The following FRMPD3 variants were observed in gnomAD, a reference collection of about 807,000 sequenced individuals.
FRMPD3 encodes the protein FERM and PDZ domain-containing protein 3.
In FRMPD3, 42 loss-of-function variants were observed where a neutral mutation model predicts 97.9. That is an observed-to-expected ratio of 0.43 (90% CI 0.34 to 0.55). The LOEUF (loss-of-function observed/expected upper bound fraction) is 0.55. Ranked by LOEUF, FRMPD3 falls within the 20% of genes least tolerant of loss-of-function variation. The pLI is 0.03. For synonymous variants in FRMPD3, 577 were observed against 581.1 expected (o/e 0.99, Z 0.10); for missense variants, 1,303 against 1,457.7 (o/e 0.89, Z 1.73).
chrX:107,519,333 A>C (rs2147542010), intron 1 of FRMPD3, among the ~76,000 whole-genome samples: 1 of 110,689 alleles, frequency 9.0e-6, no homozygotes, highest in African/African-American at 3.3e-5. Context: ...CCATTTCTAC[A>C]AAAAAATATA....
chrX:107,520,420 A>G (rs1471088336), intron 1 of FRMPD3, among the ~76,000 whole-genome samples: 1 of 109,444 alleles, frequency 9.1e-6, no homozygotes, highest in Non-Finnish European at 1.9e-5. Context: ...CTGGCAGATC[A>G]CTTGAGCCCC....
At chrX:107,461,283 C>G (rs181439377) in intron 1 of FRMPD3, among the ~76,000 whole-genome samples, 1 of 111,393 alleles carries the variant, frequency 9.0e-6, no homozygotes, top group Non-Finnish European at 1.9e-5. Context: ...TCAGGATCTC[C>G]TCTCCAACCT....
intron 1 of FRMPD3, among the ~76,000 whole-genome samples, chrX:107,461,787 A>ATATACT (rs1931478584): frequency 1.9e-5 from 2 of 107,743 alleles, no homozygotes; most frequent in South Asian, 8.3e-4. Flanking sequence ...ATACATATAC[A>ATATACT]TATACATATA....
At chrX:107,464,473 T>C (rs1468564650) in intron 1 of FRMPD3, among the ~76,000 whole-genome samples, 2 of 111,214 alleles carry the variant, frequency 1.8e-5, no homozygotes, top group African/African-American at 6.6e-5. Context: ...TTATGTAGAA[T>C]GTTGGCTTGT....
At position 107,601,076 on chromosome X, in the gene FRMPD3, C is replaced by A. The variant is rs751808058; in HGVS notation, c.3037C>A (p.Pro1013Thr). 8.3e-7 allele frequency: 1 copy of A among 1,207,818 alleles called. No individual in the cohort carries two copies. The highest frequency in any genetic ancestry group is 1.7e-5 in the African/African-American group (1 of 57,593). ...ASKNLKFKISPSAPETSWNSQ... is the reference protein window; with the variant it reads ...ASKNLKFKISTSAPETSWNSQ... ...TAAGAATCTGAAGTTCAAAATTAGC[C>A]CCAGTGCTCCAGAGACCTCATGGAA... The change falls in exon 15 of 15, where the codon CCC becomes ACC. Residue 1013 changes from proline (P) to threonine (T), a missense_variant. Transcript: ENST00000683843.
At chrX:107,598,659 G>A (rs1186374968) in intron 14 of FRMPD3, among the ~76,000 whole-genome samples, 2 of 112,066 alleles carry the variant, frequency 1.8e-5, no homozygotes, top group Non-Finnish European at 1.9e-5. Context: ...CATTGTCAGT[G>A]TAACCTTTGG....
intron 1 of FRMPD3, among the ~76,000 whole-genome samples, chrX:107,482,251 A>ACT (rs1367460127): frequency 1.8e-5 from 2 of 110,126 alleles, no homozygotes; most frequent in African/African-American, 6.6e-5. Context: ...GTAGGTCCTC[A>ACT]CTCTCTCTCC....
rs1170253573 is a variant in FRMPD3, at chrX:107,526,657, C to T, written c.69C>T (p.Thr23=). ...QLPAEILRQV[T]VHRDPIYGFG... ...CAGCAGAGATACTGCGACAAGTGAC[C>T]GTTCACCGAGACCCTATATATGGCT... The change falls in exon 2 of 15, where the codon ACC becomes ACT. Residue 23 remains threonine, a synonymous_variant. Coordinates refer to ENST00000683843, the MANE Select transcript of FRMPD3 (RefSeq NM_001388459.1). 1.2e-5 allele frequency: 14 copies of T among 1,205,553 alleles called. No homozygotes were observed. Among genetic ancestry groups the T allele is most frequent in the East Asian group, 8.9e-5 (3 of 33,720 alleles).
intron 1 of FRMPD3, among the ~76,000 whole-genome samples, chrX:107,500,193 G>A (rs958112987): frequency 9.0e-6 from 1 of 111,420 alleles, no homozygotes; most frequent in African/African-American, 3.3e-5. Context: ...AGAGTGGCGA[G>A]GACTGGGGTG....
chrX:107,588,859 T>C (rs979712444), intron 13 of FRMPD3, among the ~76,000 whole-genome samples: 4 of 111,339 alleles, frequency 3.6e-5, no homozygotes, highest in African/African-American at 9.8e-5. Flanking sequence ...TTCTTCCACT[T>C]GGTTGATTCA....
chrX:107,559,207 A>T (rs1339466018), intron 8 of FRMPD3, among the ~76,000 whole-genome samples: 1 of 110,640 alleles, frequency 9.0e-6, no homozygotes, highest in South Asian at 3.9e-4. Context: ...ATCTCAGGTA[A>T]TCCACCAGTC....
chrX:107,530,623 G>A (rs949775881), intron 3 of FRMPD3, 112 bp downstream of exon 3: 3 of 564,707 alleles, frequency 5.3e-6, no homozygotes, highest in African/African-American at 2.3e-5. Context: ...CTTCCAGGCA[G>A]AGAAGCCCTA....
At chrX:107,592,843 G>A (rs1165247374) in intron 13 of FRMPD3, among the ~76,000 whole-genome samples, 2 of 93,890 alleles carry the variant, frequency 2.1e-5, no homozygotes, top group African/African-American at 4.1e-5. Flanking sequence ...CACCCAGGAT[G>A]GAGTGCAGTG....
At position 107,565,037 on chromosome X, in the gene FRMPD3, C is replaced by T. The variant is rs773943623; in HGVS notation, c.1267C>T (p.Arg423Trp). Residue 423 changes from arginine to tryptophan, a missense_variant, in exon 12 of 15, where the codon CGG becomes TGG. By Grantham distance (101) the Arg-to-Trp change is moderately radical (BLOSUM62 -3). Around this residue, in one of 3 missense-constraint regions of FRMPD3, gnomAD observed 535 missense variants for 618.6 expected, o/e 0.86. Coordinates refer to ENST00000683843, the MANE Select transcript of FRMPD3 (RefSeq NM_001388459.1). ...QLFRENQGVA[R>W]VETSIMDAKP... is the part of the protein sequence containing the mutation. ...GTTCCGGGAGAACCAGGGCGTGGCC[C>T]GGGTGGAGACCAGCATCATGGATGC... 12 of 1,193,641 alleles carry T rather than the reference C, an allele frequency of 1.0e-5. 1 individual carries two copies. Among genetic ancestry groups the T allele is most frequent in the South Asian group, 5.6e-5 (3 of 53,461 alleles).
chrX:107,475,361 G>T (rs1054102373), intron 1 of FRMPD3, among the ~76,000 whole-genome samples: 7 of 111,560 alleles, frequency 6.3e-5, no homozygotes, highest in African/African-American at 2.0e-4. Context: ...TTTTTCCTCT[G>T]CCCCAACCTT....
intron 13 of FRMPD3, among the ~76,000 whole-genome samples, chrX:107,595,937 CA>C (rs377196495): frequency 0.081 from 4,161 of 51,475 alleles, 246 homozygotes; most frequent in African/African-American, 0.24. Flanking sequence ...GACTCCGTCT[CA>C]AAAAAAAAAA....
intron 1 of FRMPD3, among the ~76,000 whole-genome samples, chrX:107,498,454 C>T (rs774769802): frequency 8.9e-6 from 1 of 111,944 alleles, no homozygotes; most frequent in Admixed American, 9.4e-5. Flanking sequence ...GTACTTACAA[C>T]GACTTGAAGA....
At chrX:107,482,033 C>CT (rs1569410871) in intron 1 of FRMPD3, among the ~76,000 whole-genome samples, 1 of 111,724 alleles carries the variant, frequency 9.0e-6, no homozygotes, top group Admixed American at 9.5e-5. Context: ...CAGTCCAGTC[C>CT]TTTTTTATAA....
chrX:107,460,837 C>A (rs200123065), intron 1 of FRMPD3, among the ~76,000 whole-genome samples: 1 of 111,555 alleles, frequency 9.0e-6, no homozygotes, highest in Non-Finnish European at 1.9e-5. Context: ...GGCTCTGTTG[C>A]CACCACCGTG....
Sources: gnomAD v4.1 joint callset for allele counts (sites outside exome capture counted in the v4.1 genomes callset) on GRCh38, gnomAD v4.1.1 for gene constraint, gnomAD v4.1.1 regional missense constraint, MANE v1.5 for transcripts, NCBI Gene and HGNC (gene_info 2026-07-23, HGNC 2026-07-21) for gene names.